CCDC171: variants seen among roughly 807,000 people sequenced by gnomAD.
CCDC171 encodes the protein coiled-coil domain-containing protein 171.
A neutral mutation model predicts 168.2 loss-of-function variants in CCDC171; 177 were observed. That is an observed-to-expected ratio of 1.05 (90% CI 0.93 to 1.19). The LOEUF (loss-of-function observed/expected upper bound fraction) is 1.19. Ranked by LOEUF, CCDC171 falls within the 50% of genes most tolerant of loss-of-function variation. The pLI is 0.00. For missense variants in CCDC171, 1,991 were observed against 1,539.0 expected (o/e 1.29, Z -4.91); for synonymous variants, 687 against 540.8 (o/e 1.27, Z -3.75).
At chr9:15,802,953 C>T (rs2058899200) in intron 21 of CCDC171, among the ~76,000 whole-genome samples, 1 of 152,118 alleles carries the variant, frequency 6.6e-6, no homozygotes, top group African/African-American at 2.4e-5. Flanking sequence ...GCCACTCTGA[C>T]TGGTATGAGA....
At chr9:15,780,403 C>G (rs1483753918) in intron 20 of CCDC171, among the ~76,000 whole-genome samples, 1 of 146,800 alleles carries the variant, frequency 6.8e-6, no homozygotes, top group Non-Finnish European at 1.5e-5. Flanking sequence ...AAAGTTTAGA[C>G]TGGGTATGGT....
chr9:15,611,854 G>C (rs953601029), intron 6 of CCDC171, among the ~76,000 whole-genome samples: 1 of 152,092 alleles, frequency 6.6e-6, no homozygotes, highest in Non-Finnish European at 1.5e-5. Context: ...CTAGGGTCTG[G>C]ATGTTTGTGT....
At chr9:15,897,147 A>G (rs544855176) in intron 24 of CCDC171, among the ~76,000 whole-genome samples, 1 of 152,152 alleles carries the variant, frequency 6.6e-6, no homozygotes, top group Admixed American at 6.6e-5. Flanking sequence ...AGGATTTGGG[A>G]TATCACTGTC....
At chr9:15,845,336 A>G (rs533236165) in intron 21 of CCDC171, among the ~76,000 whole-genome samples, 29 of 152,156 alleles carry the variant, frequency 1.9e-4, no homozygotes, top group African/African-American at 5.3e-4. Flanking sequence ...ACAAAATACA[A>G]TGTCTCATAA....
At chr9:15,953,619 A>C (rs958590446) in intron 25 of CCDC171, among the ~76,000 whole-genome samples, 1 of 151,992 alleles carries the variant, frequency 6.6e-6, no homozygotes, top group Non-Finnish European at 1.5e-5. Flanking sequence ...TTCACTGGGG[A>C]TATTGACCTA....
At chr9:15,586,662 T>A (rs2041585754) in intron 4 of CCDC171, among the ~76,000 whole-genome samples, 1 of 152,126 alleles carries the variant, frequency 6.6e-6, no homozygotes, top group Admixed American at 6.6e-5. Context: ...TACTCTGGGA[T>A]TACTTAAGAA....
chr9:15,673,497 C>T (rs955462454), intron 9 of CCDC171, among the ~76,000 whole-genome samples: 7 of 152,100 alleles, frequency 4.6e-5, no homozygotes, highest in Non-Finnish European at 1.0e-4. Context: ...TCATATATAG[C>T]TCTTATTATT....
the CCDC171 span, among the ~76,000 whole-genome samples, chr9:16,107,538 ATGTG>A: frequency 7.9e-5 from 12 of 152,018 alleles, no homozygotes; most frequent in African/African-American, 2.2e-4. Flanking sequence ...CTCTCTCTAA[ATGTG>A]TGTGTGTATC....
intron 21 of CCDC171, among the ~76,000 whole-genome samples, chr9:15,787,718 T>G (rs1005843000): frequency 2.0e-5 from 3 of 152,230 alleles, no homozygotes; most frequent in Admixed American, 2.0e-4. Context: ...ACAGCAAGTT[T>G]CTACTGATTA....
intron 6 of CCDC171, among the ~76,000 whole-genome samples, chr9:15,600,273 A>C (rs1233078842): frequency 6.6e-6 from 1 of 151,970 alleles, no homozygotes; most frequent in Non-Finnish European, 1.5e-5. Flanking sequence ...GGTTTTATCT[A>C]CTTGTGATCT....
intron 16 of CCDC171, among the ~76,000 whole-genome samples, chr9:15,736,081 ATACTACT>A (rs1461664027): frequency 6.6e-6 from 1 of 152,128 alleles, no homozygotes. Flanking sequence ...CAGACAACTG[ATACTACT>A]TACTTGTGTA....
intron 3 of CCDC171, 109 bp downstream of exon 3, chr9:15,571,868 G>T (rs923384569): frequency 2.2e-6 from 2 of 929,274 alleles, no homozygotes; most frequent in Non-Finnish European, 3.2e-6. Context: ...CCATTCTTGG[G>T]CTTAAAAAGG....
At chr9:15,814,858 G>A (rs1464759966) in intron 21 of CCDC171, among the ~76,000 whole-genome samples, 1 of 152,084 alleles carries the variant, frequency 6.6e-6, no homozygotes, top group East Asian at 1.9e-4. Flanking sequence ...TTGTCTTCAT[G>A]AATATTGTAT....
intron 21 of CCDC171, among the ~76,000 whole-genome samples, chr9:15,844,245 GAGAAA>G (rs1397844526): frequency 2.0e-5 from 3 of 151,822 alleles, no homozygotes; most frequent in African/African-American, 4.8e-5. Context: ...ATCTGAACAG[GAGAAA>G]AGAAAAGCTG....
At chr9:15,589,055 T>C (rs1034027894) in intron 4 of CCDC171, among the ~76,000 whole-genome samples, 1 of 151,968 alleles carries the variant, frequency 6.6e-6, no homozygotes, top group Non-Finnish European at 1.5e-5. Flanking sequence ...GAAAACGTCG[T>C]TGTTTTTTGA....
chr9:16,057,581 C>T (rs961024709), intron 1 of CCDC171, among the ~76,000 whole-genome samples: 4 of 152,162 alleles, frequency 2.6e-5, no homozygotes, highest in African/African-American at 9.7e-5. Context: ...GGATCTGCAC[C>T]TTTAGGCTTT....
chr9:16,039,374 G>A (rs556985150), upstream of CCDC171, among the ~76,000 whole-genome samples: 6 of 152,212 alleles, frequency 3.9e-5, no homozygotes, highest in East Asian at 1.9e-4. Flanking sequence ...TTCCTTCTGC[G>A]TTTTAAGTTA....
intron 24 of CCDC171, among the ~76,000 whole-genome samples, chr9:15,906,600 T>C (rs1044707956): frequency 1.4e-4 from 21 of 152,192 alleles, no homozygotes; most frequent in Admixed American, 1.3e-3. Context: ...GCATTCCCTC[T>C]GAAAACTGGC....
intron 24 of CCDC171, among the ~76,000 whole-genome samples, chr9:15,911,346 T>C (rs1823611103): frequency 6.6e-6 from 1 of 152,236 alleles, no homozygotes; most frequent in South Asian, 2.1e-4. Flanking sequence ...AATGTCTTCT[T>C]ATGAAAAGTG....
Sources: allele counts gnomAD v4.1 joint callset (sites outside exome capture counted in the v4.1 genomes callset), GRCh38; gene constraint gnomAD v4.1.1; transcripts MANE v1.5; gene names NCBI Gene and HGNC (gene_info 2026-07-23, HGNC 2026-07-21).